The following LRRTM4 variants were observed in gnomAD, a reference collection of about 807,000 sequenced individuals.
The protein encoded by LRRTM4 is leucine-rich repeat transmembrane neuronal protein 4.
LRRTM4 carries 25 observed loss-of-function variants against 47.6 expected under a neutral mutation model. The ratio of observed to expected loss-of-function variants is 0.53; its 90% confidence interval spans 0.38 to 0.73. LRRTM4 has a LOEUF of 0.73. Among genes scored for constraint, LRRTM4 ranks in the 30% least tolerant of loss-of-function variants. LRRTM4 has a pLI of 0.00. For synonymous variants in LRRTM4, 311 were observed against 269.5 expected (o/e 1.15, Z -1.51); for missense variants, 638 against 713.4 (o/e 0.89, Z 1.20).
intron 3 of LRRTM4, among the ~76,000 whole-genome samples, chr2:77,112,463 C>A (rs1201117377): frequency 6.6e-6 from 1 of 152,074 alleles, no homozygotes; most frequent in Non-Finnish European, 1.5e-5. Flanking sequence ...ACTGAAAATT[C>A]TTGAAAGTAA....
intron 3 of LRRTM4, among the ~76,000 whole-genome samples, chr2:76,843,811 A>C (rs773058556): frequency 2.0e-5 from 3 of 152,094 alleles, no homozygotes; most frequent in Non-Finnish European, 2.9e-5. Flanking sequence ...TATCTTCAAA[A>C]TTTCTCATTA....
chr2:77,018,624 T>G (rs1304178973), intron 3 of LRRTM4, among the ~76,000 whole-genome samples: 1 of 151,174 alleles, frequency 6.6e-6, no homozygotes, highest in African/African-American at 2.5e-5. Context: ...TTCATTATGA[T>G]AAGAAATATA....
intron 3 of LRRTM4, among the ~76,000 whole-genome samples, chr2:77,477,064 T>C (rs1399690905): frequency 6.6e-6 from 1 of 151,418 alleles, no homozygotes; most frequent in East Asian, 2.0e-4. Context: ...GCACTTCTCC[T>C]GAAATAGAAA....
At chr2:77,381,555 T>A (rs1673051838) in intron 3 of LRRTM4, among the ~76,000 whole-genome samples, 1 of 152,036 alleles carries the variant, frequency 6.6e-6, no homozygotes, top group African/African-American at 2.4e-5. Context: ...AAATCTGTAA[T>A]CTCAGCCATA....
At chr2:77,124,829 C>T (rs1326887620) in intron 3 of LRRTM4, among the ~76,000 whole-genome samples, 4 of 152,112 alleles carry the variant, frequency 2.6e-5, no homozygotes, top group Admixed American at 2.6e-4. Context: ...CCATCTTCTT[C>T]AGGTCAATAC....
chr2:76,854,860 C>T (rs1672102904), intron 3 of LRRTM4, among the ~76,000 whole-genome samples: 1 of 147,788 alleles, frequency 6.8e-6, no homozygotes, highest in Non-Finnish European at 1.5e-5. Context: ...CGAGAAAGAC[C>T]ATCAACAATC....
At chr2:77,410,410 C>T (rs1198301384) in intron 3 of LRRTM4, among the ~76,000 whole-genome samples, 4 of 152,112 alleles carry the variant, frequency 2.6e-5, no homozygotes, top group Non-Finnish European at 5.9e-5. Context: ...ATATCTTAAG[C>T]CCTAAAGATT....
intron 3 of LRRTM4, among the ~76,000 whole-genome samples, chr2:76,958,695 CA>C (rs1675757023): frequency 6.6e-6 from 1 of 151,718 alleles, no homozygotes. Flanking sequence ...GGGTAACTTT[CA>C]TGTTTCACTG....
intron 3 of LRRTM4, among the ~76,000 whole-genome samples, chr2:76,869,452 T>C (rs531409633): frequency 6.6e-6 from 1 of 152,290 alleles, no homozygotes; most frequent in South Asian, 2.1e-4. Flanking sequence ...CTTAAACTGA[T>C]AAATGCAGAC....
chr2:76,776,503 G>C (rs1674001174), intron 3 of LRRTM4, among the ~76,000 whole-genome samples: 1 of 152,046 alleles, frequency 6.6e-6, no homozygotes. Flanking sequence ...TTTCTCTGAT[G>C]GCCAGTGATG....
intron 3 of LRRTM4, among the ~76,000 whole-genome samples, chr2:77,373,880 G>A (rs1573328579): frequency 6.6e-6 from 1 of 151,752 alleles, no homozygotes; most frequent in African/African-American, 2.4e-5. Context: ...CTAATGAAAA[G>A]CCTATATTTT....
chr2:77,403,309 A>G (rs1356483712), intron 3 of LRRTM4, among the ~76,000 whole-genome samples: 1 of 151,930 alleles, frequency 6.6e-6, no homozygotes, highest in African/African-American at 2.4e-5. Context: ...TCAGGGCTCC[A>G]ATCCTACTGA....
intron 3 of LRRTM4, among the ~76,000 whole-genome samples, chr2:77,249,547 G>T (rs895781876): frequency 1.3e-5 from 2 of 151,454 alleles, no homozygotes; most frequent in Non-Finnish European, 2.9e-5. Flanking sequence ...TGGCAAAAAA[G>T]CATATAAACA....
At chr2:77,149,246 A>G (rs766045372) in intron 3 of LRRTM4, among the ~76,000 whole-genome samples, 4 of 152,134 alleles carry the variant, frequency 2.6e-5, no homozygotes, top group Non-Finnish European at 4.4e-5. Flanking sequence ...TTTTTTACCA[A>G]TTGCATACTA....
At chr2:76,952,144 T>C (rs752562907) in intron 3 of LRRTM4, among the ~76,000 whole-genome samples, 6 of 151,970 alleles carry the variant, frequency 3.9e-5, no homozygotes, top group African/African-American at 1.2e-4. Flanking sequence ...TAGTAGGCTT[T>C]TGGCAAAGTC....
At chr2:77,035,399 G>C (rs891694340) in intron 3 of LRRTM4, among the ~76,000 whole-genome samples, 1 of 151,734 alleles carries the variant, frequency 6.6e-6, no homozygotes, top group Admixed American at 6.6e-5. Flanking sequence ...TCAAGAAACA[G>C]CATGTCCATC....
intron 3 of LRRTM4, among the ~76,000 whole-genome samples, chr2:76,822,947 A>G (rs1231149280): frequency 2.0e-5 from 3 of 151,502 alleles, no homozygotes; most frequent in Non-Finnish European, 4.4e-5. Context: ...AAGCAATAAA[A>G]AACAATGCGC....
At chr2:76,784,004 G>A (rs1291651244) in intron 3 of LRRTM4, among the ~76,000 whole-genome samples, 1 of 152,048 alleles carries the variant, frequency 6.6e-6, no homozygotes, top group Non-Finnish European at 1.5e-5. Context: ...GTTGCTACTT[G>A]AATTTTCTAT....
intron 3 of LRRTM4, among the ~76,000 whole-genome samples, chr2:77,156,708 T>C (rs1051812518): frequency 1.5e-5 from 2 of 130,990 alleles, no homozygotes; most frequent in Admixed American, 7.8e-5. Context: ...AGCCTTCAAC[T>C]TTTTTTTTTT....
Sources: gnomAD v4.1 joint callset for allele counts (sites outside exome capture counted in the v4.1 genomes callset) on GRCh38, gnomAD v4.1.1 for gene constraint, MANE v1.5 for transcripts, NCBI Gene and HGNC (gene_info 2026-07-23, HGNC 2026-07-21) for gene names.